Variants in CNTNAP2 observed in about 807,000 individuals in gnomAD.
CNTNAP2 encodes the protein contactin-associated protein-like 2.
A neutral mutation model predicts 155.2 loss-of-function variants in CNTNAP2; 98 were observed. The ratio of observed to expected loss-of-function variants is 0.63; its 90% CI spans 0.54 to 0.75. CNTNAP2 has a LOEUF of 0.75. CNTNAP2 is among the 30% of genes least tolerant of loss of function. The pLI, the probability that CNTNAP2 is intolerant of heterozygous loss-of-function variation, is 0.00. For missense variants in CNTNAP2, 1,727 were observed against 1,688.1 expected, an observed-to-expected ratio of 1.02 and a Z score of -0.40; for synonymous variants, 651 against 631.2, an observed-to-expected ratio of 1.03 and a Z score of -0.47.
At chr7:147,073,823 T>C (rs776879613) in intron 4 of CNTNAP2, among the ~76,000 whole-genome samples, 6 of 152,176 alleles carry the variant, frequency 3.9e-5, no homozygotes, top group Non-Finnish European at 7.4e-5. Flanking sequence ...ATAGCATGAG[T>C]TGTTTATGGA....
chr7:146,626,345 G>T (rs1437270558), intron 1 of CNTNAP2, among the ~76,000 whole-genome samples: 1 of 151,942 alleles, frequency 6.6e-6, no homozygotes, highest in Non-Finnish European at 1.5e-5. Context: ...AGGTTCTTAC[G>T]CTTGTATCTA....
intron 8 of CNTNAP2, among the ~76,000 whole-genome samples, chr7:147,200,497 C>T (rs7783508): frequency 0.53 from 81,181 of 151,964 alleles, 22,084 homozygotes; most frequent in South Asian, 0.7. Context: ...AACCACAATC[C>T]TTTAAAAAGG....
At chr7:146,140,797 A>T (rs989280743) in intron 1 of CNTNAP2, among the ~76,000 whole-genome samples, 1 of 152,144 alleles carries the variant, frequency 6.6e-6, no homozygotes, top group South Asian at 2.1e-4. Flanking sequence ...AGAGATTTTC[A>T]TAGCGGAAAC....
chr7:146,588,520 T>A (rs201272189), intron 1 of CNTNAP2, among the ~76,000 whole-genome samples: 784 of 20,996 alleles, frequency 0.037, 5 homozygotes, highest in African/African-American at 0.28. Context: ...TTATATGTAT[T>A]TTTTTTTTTT....
chr7:147,140,680 A>T (rs1208684298), intron 8 of CNTNAP2, among the ~76,000 whole-genome samples: 1 of 152,094 alleles, frequency 6.6e-6, no homozygotes, highest in Non-Finnish European at 1.5e-5. Flanking sequence ...TAAAGTTCAC[A>T]TAGTCCCCTA....
intron 12 of CNTNAP2, among the ~76,000 whole-genome samples, chr7:147,633,948 C>T (rs1209011003): frequency 6.6e-6 from 1 of 151,976 alleles, no homozygotes; most frequent in African/African-American, 2.4e-5. Context: ...ATTAAAAAAT[C>T]AAAAAATAAC....
At chr7:146,764,636 G>A (rs1390637172) in intron 1 of CNTNAP2, among the ~76,000 whole-genome samples, 1 of 152,070 alleles carries the variant, frequency 6.6e-6, no homozygotes, top group African/African-American at 2.4e-5. Context: ...ATATGCTACA[G>A]CTGTTAAATG....
At chr7:146,928,921 C>A (rs932029254) in intron 3 of CNTNAP2, among the ~76,000 whole-genome samples, 2 of 152,222 alleles carry the variant, frequency 1.3e-5, no homozygotes, top group Non-Finnish European at 2.9e-5. Context: ...CTTAGGTAAA[C>A]AAAGCAGCCA....
At chr7:147,645,001 T>C (rs1328889607) in intron 13 of CNTNAP2, among the ~76,000 whole-genome samples, 1 of 152,130 alleles carries the variant, frequency 6.6e-6, no homozygotes, top group Non-Finnish European at 1.5e-5. Context: ...TTTTTCAGTG[T>C]TGGCTAGTTT....
At chr7:147,969,253 AT>A (rs1213314233) in intron 14 of CNTNAP2, among the ~76,000 whole-genome samples, 1 of 152,002 alleles carries the variant, frequency 6.6e-6, no homozygotes, top group Non-Finnish European at 1.5e-5. Flanking sequence ...GTTTCGCCAT[AT>A]TGCCCAGGCT....
chr7:147,339,069 A>G (rs1363953600), intron 9 of CNTNAP2, among the ~76,000 whole-genome samples: 9 of 152,148 alleles, frequency 5.9e-5, no homozygotes, highest in Non-Finnish European at 2.9e-5. Context: ...AAACAATTCT[A>G]TCATCATTGA....
intron 8 of CNTNAP2, among the ~76,000 whole-genome samples, chr7:147,272,637 T>C (rs996481414): frequency 2.6e-5 from 4 of 151,134 alleles, no homozygotes; most frequent in African/African-American, 9.7e-5. Flanking sequence ...TAGCTGGGAC[T>C]ACAGGCGCCG....
At chr7:147,960,828 T>TTC (rs139772949) in intron 14 of CNTNAP2, among the ~76,000 whole-genome samples, 59,641 of 151,452 alleles carry the variant, frequency 0.39, 13,484 homozygotes, top group Middle Eastern at 0.66. Flanking sequence ...CTCTCCCTCC[T>TTC]TCTCTCTCTC....
At chr7:147,329,907 T>C (rs34724562) in intron 9 of CNTNAP2, among the ~76,000 whole-genome samples, 29,332 of 152,054 alleles carry the variant, frequency 0.19, 3,136 homozygotes, top group Non-Finnish European at 0.24. Flanking sequence ...TCCCTTCTTA[T>C]GTAATGTTTT....
intron 1 of CNTNAP2, among the ~76,000 whole-genome samples, chr7:146,176,330 C>G (rs982200956): frequency 6.6e-6 from 1 of 152,020 alleles, no homozygotes; most frequent in Non-Finnish European, 1.5e-5. Flanking sequence ...CCTCTCAGTT[C>G]CTTTAGAAAA....
At chr7:148,301,477 A>G (rs1228260192) in intron 21 of CNTNAP2, among the ~76,000 whole-genome samples, 2 of 151,942 alleles carry the variant, frequency 1.3e-5, no homozygotes. Flanking sequence ...TCAACTCTGC[A>G]AGTCTGTGTG....
At chr7:147,258,440 T>C (rs1177015138) in intron 8 of CNTNAP2, among the ~76,000 whole-genome samples, 1 of 152,148 alleles carries the variant, frequency 6.6e-6, no homozygotes, top group Non-Finnish European at 1.5e-5. Flanking sequence ...TAATGCTCTA[T>C]GTAGCCATAT....
intron 1 of CNTNAP2, among the ~76,000 whole-genome samples, chr7:146,747,276 T>A (rs947634046): frequency 2.0e-5 from 3 of 152,192 alleles, no homozygotes; most frequent in African/African-American, 7.2e-5. Flanking sequence ...GACATTTTGA[T>A]CATCACTTTT....
chr7:147,141,586 C>G (rs909410202), intron 8 of CNTNAP2, among the ~76,000 whole-genome samples: 3 of 152,094 alleles, frequency 2.0e-5, no homozygotes, highest in Non-Finnish European at 4.4e-5. Flanking sequence ...GAGTAACTCA[C>G]CAGGGCCCCT....
Sources: allele counts gnomAD v4.1 joint callset (sites outside exome capture counted in the v4.1 genomes callset), GRCh38; gene constraint gnomAD v4.1.1; transcripts MANE v1.5; gene names NCBI Gene and HGNC (gene_info 2026-07-23, HGNC 2026-07-21).